Variants in AHRR observed in about 807,000 individuals in gnomAD.
AHRR encodes the protein aryl hydrocarbon receptor repressor, also known as ahR repressor.
Under a neutral mutation model 44.0 loss-of-function variants are expected in AHRR, and 28 were observed. The ratio of observed to expected loss-of-function variants is 0.64; its 90% confidence interval spans 0.47 to 0.87. The LOEUF (loss-of-function observed/expected upper bound fraction) is 0.87. Among genes scored for constraint, AHRR ranks in the 40% least tolerant of loss-of-function variants. The pLI is 0.00. For synonymous variants in AHRR, 434 were observed against 407.0 expected (o/e 1.07, Z -0.80); for missense variants, 990 against 953.9 (o/e 1.04, Z -0.50).
chr5:422,819 C>T lies in AHRR; in HGVS notation c.532C>T (p.Pro178Ser). Residue 178 changes from proline to serine, a missense_variant, in exon 6 of 11, where the codon CCC becomes TCC. Physicochemically the swap from Pro to Ser is moderately conservative, Grantham distance 74. Coordinates refer to ENST00000684583, the MANE Select transcript of AHRR (RefSeq NM_001377236.1). ...CRQLHWAMDP[P>S]QVVFGQPPPL... ...GCAGCTCCACTGGGCCATGGACCCT[C>T]CCCAGGTGGTGTTTGGGCAGCCCCC... The T allele has an allele frequency of 3.1e-6, 5 of 1,614,042 alleles. No individual in the cohort carries two copies. The highest frequency in any genetic ancestry group is 4.2e-6 in the Non-Finnish European group (5 of 1,179,956).
chr5:431,097 T>A (rs1316732), intron 8 of AHRR, among the ~76,000 whole-genome samples: 73,964 of 152,058 alleles, frequency 0.49, 18,836 homozygotes, highest in African/African-American at 0.65. Flanking sequence ...TCCCTGGGAG[T>A]TCCCAACCCT....
rs1423282009 is a variant in AHRR, at chr5:391,488, G to A, written c.351+14772G>A. The stretch of plus-strand genomic sequence containing the variant: ...AGCGTGCACGGGGGCAGGGCGAGGC[G>A]GGCGCAGGGTGAGGCAGGGCCAGAG... On this transcript the variant is annotated intron_variant, in intron 4 of 10. Transcript: ENST00000684583. Among the ~76,000 whole-genome samples, 33 of 88,180 alleles carry A rather than the reference G, an allele frequency of 3.7e-4. 3 individuals carry two copies. Among genetic ancestry groups the A allele is most frequent in the African/African-American group, 2.8e-3 (30 of 10,638 alleles). The allele number at this position is 88,180 out of a possible 152,430, so 57.8% of individuals were successfully genotyped here.
At chr5:372,556 T>C (rs1743615070) in intron 3 of AHRR, among the ~76,000 whole-genome samples, 1 of 152,054 alleles carries the variant, frequency 6.6e-6, no homozygotes, top group Admixed American at 6.5e-5. Context: ...TGGACCTTAC[T>C]CAGCCCTGCA....
chr5:419,655 C>T lies in AHRR; in HGVS notation c.442-3074C>T, dbSNP rs1047835507. ...CATATTTCCCATTGTCCTGGCAAAG[C>T]CGGGGCCCTCCATGGTGCCCGGCTC... is the stretch of plus-strand genomic sequence containing the variant. On this transcript the variant is annotated intron_variant, in intron 5 of 10. Coordinates refer to ENST00000684583, the MANE Select transcript of AHRR (RefSeq NM_001377236.1). This position sits in a 1 kb window ranked among gnomAD's most constrained non-coding sequence, Gnocchi z 4.4. 6.6e-6 allele frequency among the ~76,000 whole-genome samples: 1 copy of T among 152,122 alleles called. No individual in the cohort carries two copies. Among genetic ancestry groups the T allele is most frequent in the African/African-American group, 2.4e-5 (1 of 41,420 alleles).
Position 434,569 on chromosome 5 carries a change from C to A in AHRR, c.1829C>A (p.Pro610His). The A allele has an allele frequency of 6.3e-7, 1 of 1,587,430 alleles. No individual in the cohort carries two copies. Residue 610 changes from proline to histidine, a missense_variant, in exon 11 of 11, where the codon CCT (proline) becomes CAT (histidine). Coordinates refer to ENST00000684583, the MANE Select transcript of AHRR (RefSeq NM_001377236.1). ...ATAGRSRELT[P>H]FHPAHCACLE... ...GCTGGGCGCAGCAGGGAGCTGACCC[C>A]TTTCCACCCTGCACACTGTGCCTGC...
At chr5:391,324 C>G (rs61529097) in intron 4 of AHRR, among the ~76,000 whole-genome samples, 3 of 128,856 alleles carry the variant, frequency 2.3e-5, no homozygotes, top group African/African-American at 5.9e-5. Context: ...AGAGCGTGCA[C>G]GGGCGCAGGG....
At chr5:379,446 T>C (rs1282861626) in intron 4 of AHRR, among the ~76,000 whole-genome samples, 4 of 152,248 alleles carry the variant, frequency 2.6e-5, no homozygotes, top group Non-Finnish European at 5.9e-5. Context: ...ATAGTAAGCG[T>C]GTTTTTAACT....
chr5:412,559 G>A (rs1005799346), intron 4 of AHRR, among the ~76,000 whole-genome samples: 1 of 152,020 alleles, frequency 6.6e-6, no homozygotes, highest in East Asian at 1.9e-4. Flanking sequence ...CAATTCCAAG[G>A]CATATTAAAA....
intron 5 of AHRR, 69 bp from the exon 6 acceptor site, chr5:422,660 T>C: frequency 6.2e-7 from 1 of 1,610,632 alleles, no homozygotes; most frequent in Non-Finnish European, 8.5e-7. Flanking sequence ...TTTCGGTTAC[T>C]CGTCGGTGGA....
chr5:376,343 CCTCAGGCCAGG>C (rs2126442588), intron 3 of AHRR, among the ~76,000 whole-genome samples: 1 of 152,296 alleles, frequency 6.6e-6, no homozygotes, highest in East Asian at 1.9e-4. Context: ...GTGGGGGCGT[CCTCAGGCCAGG>C]CTCTGCCTCC....
chr5:350,581 C>G (rs920032156), intron 2 of AHRR, among the ~76,000 whole-genome samples: 1 of 152,142 alleles, frequency 6.6e-6, no homozygotes, highest in Non-Finnish European at 1.5e-5. Context: ...ATTCTGTGGC[C>G]TCTCCCAGCT....
chr5:432,423 C>G lies in AHRR; in HGVS notation c.909-40C>G, dbSNP rs373038542. On this transcript the variant is annotated intron_variant, in intron 8 of 10. Transcript: ENST00000684583. Reference sequence around the variant, plus strand: ...TGTTTCATCCACATGTCATCTTGTTCATCCGTCACATGTCACATGTTCATC... The same window carrying G: ...TGTTTCATCCACATGTCATCTTGTTGATCCGTCACATGTCACATGTTCATC... 5 of 1,592,018 alleles carry G rather than the reference C, an allele frequency of 3.1e-6. No individual in the cohort carries two copies. The African/African-American group carries it at 6.7e-5, about 21-fold the overall frequency.
chr5:376,586 A>G (rs771583884), intron 3 of AHRR, 24 bp from the exon 4 acceptor site: 121 of 511,998 alleles, frequency 2.4e-4, no homozygotes, highest in Non-Finnish European at 4.5e-5. Flanking sequence ...GGGGGTGCCT[A>G]ATGTGTCTTT....
chr5:339,967 A>T (rs1345932917), intron 1 of AHRR, among the ~76,000 whole-genome samples: 1 of 152,076 alleles, frequency 6.6e-6, no homozygotes, highest in East Asian at 1.9e-4. Flanking sequence ...TTAAGTGAGG[A>T]TTTTTGTGTC....
Position 404,529 on chromosome 5 carries a change from C to T in AHRR, c.352-8815C>T. The T allele has an allele frequency of 2.9e-6, 1 of 345,134 alleles. No homozygotes were observed. The highest frequency in any genetic ancestry group is 5.9e-6 in the Non-Finnish European group (1 of 168,410). 21.4% of individuals were successfully genotyped at this position (345,134 alleles called of 1,614,324 possible). Reference sequence around the variant, plus strand: ...TTACGGTTTGTAGTGATAACCTCTTCAGAAAAAGAGCAGGCGTCCTGGGCC... The same window carrying T: ...TTACGGTTTGTAGTGATAACCTCTTTAGAAAAAGAGCAGGCGTCCTGGGCC... On this transcript the variant is annotated intron_variant, in intron 4 of 10. Coordinates refer to ENST00000684583, the MANE Select transcript of AHRR (RefSeq NM_001377236.1). The surrounding 1 kb of genome is among the most constrained non-coding windows in gnomAD (Gnocchi z 4.1).
chr5:424,384 C>CT, intron 7 of AHRR, among the ~76,000 whole-genome samples: 2 of 109,760 alleles, frequency 1.8e-5, no homozygotes, highest in Admixed American at 2.0e-4. Flanking sequence ...ACCCATGTGT[C>CT]CCTGGTGGGG....
chr5:414,076 A>G (rs1735592700), intron 5 of AHRR, among the ~76,000 whole-genome samples: 1 of 152,178 alleles, frequency 6.6e-6, no homozygotes, highest in Admixed American at 6.5e-5. Context: ...CAGGCTGGCC[A>G]ACATGGTGAA....
At chr5:372,043 C>CA (rs1322620127) in intron 3 of AHRR, among the ~76,000 whole-genome samples, 1 of 152,246 alleles carries the variant, frequency 6.6e-6, no homozygotes, top group Non-Finnish European at 1.5e-5. Context: ...GAAGCACCCA[C>CA]ATTCCTTACC....
chr5:423,844 A>T lies in AHRR; in HGVS notation c.575A>T (p.Asp192Val). 6.2e-7 allele frequency: 1 copy of T among 1,601,018 alleles called. No individual in the cohort carries two copies. The highest frequency in any genetic ancestry group is 2.2e-5 in the East Asian group (1 of 44,702). Reference sequence around the variant, plus strand: ...CCTTGGCCCCTATGGTCTGCAGGAGATGATGCTATCCTGGGGAGGCTGCTC... The same window carrying T: ...CCTTGGCCCCTATGGTCTGCAGGAGTTGATGCTATCCTGGGGAGGCTGCTC... ...FGQPPPLETG[D>V]DAILGRLLRA... Residue 192 changes from aspartate to valine, a missense_variant, in exon 7 of 11, where the codon GAT becomes GTT. Coordinates refer to ENST00000684583, the MANE Select transcript of AHRR (RefSeq NM_001377236.1).
Sources: allele counts gnomAD v4.1 joint callset (sites outside exome capture counted in the v4.1 genomes callset), GRCh38; gene constraint gnomAD v4.1.1; non-coding constraint Gnocchi (gnomAD v3.1); transcripts MANE v1.5; gene names NCBI Gene and HGNC (gene_info 2026-07-23, HGNC 2026-07-21).